ITM2B: variants seen among roughly 807,000 people sequenced by gnomAD.
ITM2B encodes the protein ABri/ADan amyloid peptide.
ITM2B carries 11 observed loss-of-function variants against 27.8 expected under a neutral mutation model. That is an observed-to-expected ratio of 0.40 (90% confidence interval 0.25 to 0.66). The LOEUF (loss-of-function observed/expected upper bound fraction) is 0.66, where lower values mean the gene tolerates loss of function less well. Among genes scored for constraint, ITM2B ranks in the 30% least tolerant of loss-of-function variants. The pLI is 0.43. For synonymous variants in ITM2B, 114 were observed against 114.3 expected (o/e 1.00, Z 0.02); for missense variants, 296 against 328.9 (o/e 0.90, Z 0.77).
At position 48,255,374 on chromosome 13, in the gene ITM2B, C is replaced by T. The variant is rs565320401; in HGVS notation, c.247-803C>T. The stretch of plus-strand genomic sequence containing the variant: ...TGGTGCAATCACAGCTCACTGTAGC[C>T]TCAACCTCTTGGGCTCAGGCAATCC... On this transcript the variant is annotated intron_variant, in intron 2 of 5. Transcript: ENST00000647800. 3.9e-5 allele frequency among the ~76,000 whole-genome samples: 6 copies of T among 152,234 alleles called. No homozygotes were observed. In the South Asian group the frequency reaches 1.2e-3, roughly 32 times the overall value.
In ITM2B at chr13:48,248,887, A is replaced by G. The variant is rs761767840; in HGVS notation, c.118-4921A>G. On this transcript the variant is annotated intron_variant, in intron 1 of 5. Coordinates refer to ENST00000647800, the MANE Select transcript of ITM2B (RefSeq NM_021999.5). ...AGCAGTTGGACCTAAATTTCTGTCA[A>G]TTGAGTGGAAGTTCCCAAGTTCCCT... is the stretch of plus-strand genomic sequence containing the variant. 1.9e-3 allele frequency among the ~76,000 whole-genome samples: 291 copies of G among 152,342 alleles called. 2 individuals are homozygous for G. Among genetic ancestry groups the G allele is most frequent in the Non-Finnish European group, 2.7e-3 (182 of 68,024 alleles).
intron 1 of ITM2B, among the ~76,000 whole-genome samples, chr13:48,250,002 T>G (rs1951744983): frequency 6.6e-6 from 1 of 152,252 alleles, no homozygotes; most frequent in Admixed American, 6.5e-5. Context: ...TTGAGCATAC[T>G]TTAATCCCTT....
In ITM2B at chr13:48,258,225, A is replaced by G. The variant is rs1566163994; in HGVS notation, c.553A>G (p.Ile185Val). The G allele has an allele frequency of 1.2e-5, 18 of 1,488,486 alleles. No individual in the cohort carries two copies. The highest frequency in any genetic ancestry group is 1.6e-5 in the Non-Finnish European group (17 of 1,065,698). The allele number at this position is 1,488,486 out of a possible 1,614,324, so 92.2% of individuals were successfully genotyped here. The change falls in exon 4 of 6, where the codon ATT becomes GTT. Residue 185 changes from isoleucine to valine, a missense_variant. Physicochemically the swap from Ile to Val is conservative, Grantham distance 29. Coordinates refer to ENST00000647800, the MANE Select transcript of ITM2B (RefSeq NM_021999.5). Reference protein sequence around the residue: ...MPPRNLLELLINIKAGTYLPQ... With the variant: ...MPPRNLLELLVNIKAGTYLPQ... The stretch of plus-strand genomic sequence containing the variant: ...ACCCAGAAACCTACTGGAGTTACTT[A>G]TTAACATCAAGGTATAAGAATGTTG...
chr13:48,261,307 A>G lies in ITM2B; in HGVS notation c.*83A>G, dbSNP rs981655183. ...ACATTTTGTGCAGTGATTATTTTTT[A>G]AAGTCTTCTTTCATGTAAGTAGCAA... On this transcript the variant is annotated 3_prime_UTR_variant, in exon 6 of 6. Coordinates refer to ENST00000647800, the MANE Select transcript of ITM2B (RefSeq NM_021999.5). 5.1e-5 allele frequency: 50 copies of G among 972,266 alleles called. No homozygotes were observed. In the Admixed American group the frequency reaches 8.6e-4, roughly 17 times the overall value. 60.2% of individuals were successfully genotyped at this position (972,266 alleles called of 1,614,324 possible).
chr13:48,235,871 G>A (rs1951665296), intron 1 of ITM2B, among the ~76,000 whole-genome samples: 1 of 152,188 alleles, frequency 6.6e-6, no homozygotes, highest in South Asian at 2.1e-4. Context: ...TTTCCAAAAT[G>A]TGCTCTTAGG....
chr13:48,248,568 A>G lies in ITM2B; in HGVS notation c.118-5240A>G, dbSNP rs9591151. Among the ~76,000 whole-genome samples the G allele has an allele frequency of 6.6e-3, 1,011 of 152,232 alleles. 9 individuals carry two copies. Among genetic ancestry groups the G allele is most frequent in the African/African-American group, 0.023 (972 of 41,520 alleles). ...ATATTCAAAAGTTTATCCAGGATTT[A>G]TACCTAGGAATGGAATTGCTAGGTC... On this transcript the variant is annotated intron_variant, in intron 1 of 5. Transcript: ENST00000647800.
chr13:48,262,528 A>G lies in ITM2B; in HGVS notation c.*1304A>G, dbSNP rs182910640. On this transcript the variant is annotated 3_prime_UTR_variant, in exon 6 of 6. Transcript: ENST00000647800. ...CAGGAATTAACAATTTTAGAAGACA[A>G]TATGTTTCAATAAAATGAGAATTGG... The G allele has an allele frequency of 9.2e-5, 14 of 152,306 alleles. No individual in the cohort carries two copies. The highest frequency in any genetic ancestry group is 2.1e-4 in the South Asian group (1 of 4,830). 9.4% of individuals were successfully genotyped at this position (152,306 alleles called of 1,614,324 possible).
rs976936097 is a variant in ITM2B, at chr13:48,262,140, G to A, written c.*916G>A. 3 of 152,080 alleles carry A rather than the reference G, an allele frequency of 2.0e-5. No individual in the cohort carries two copies. The highest frequency in any genetic ancestry group is 2.9e-5 in the Non-Finnish European group (2 of 67,986). 9.4% of individuals were successfully genotyped at this position (152,080 alleles called of 1,614,324 possible). On this transcript the variant is annotated 3_prime_UTR_variant, in exon 6 of 6. Coordinates refer to ENST00000647800, the MANE Select transcript of ITM2B (RefSeq NM_021999.5). ...AAAATGCTTTTATTTTTGATGGAAA[G>A]GCAATCAAAGCCTAAAGTTTCCAAG... is the stretch of plus-strand genomic sequence containing the variant.
At chr13:48,253,278 G>A (rs1245729421) in intron 1 of ITM2B, among the ~76,000 whole-genome samples, 4 of 151,974 alleles carry the variant, frequency 2.6e-5, no homozygotes, top group Non-Finnish European at 5.9e-5. Context: ...ATCATTGTTT[G>A]TTCTTTTCCT....
At position 48,265,120 on chromosome 13, in the gene ITM2B, G is replaced by C. The variant is rs2076073733; in HGVS notation, c.*3896G>C. ...ATAATTTGATGGGACTTCTGTATCT[G>C]ATTTTTAAGCTTGCATTTGTGTTTA... is the stretch of plus-strand genomic sequence containing the variant. On this transcript the variant is annotated 3_prime_UTR_variant, in exon 6 of 6. Transcript: ENST00000647800. 1 of 152,008 alleles carries C rather than the reference G, an allele frequency of 6.6e-6. No homozygotes were observed. The highest frequency in any genetic ancestry group is 2.1e-4 in the South Asian group (1 of 4,812). The allele number at this position is 152,008 out of a possible 1,614,324, so 9.4% of individuals were successfully genotyped here. A position where few individuals can be genotyped will look rare whatever the true frequency, so the allele number is the denominator to read the frequency against.
chr13:48,249,417 A>T (rs929938694), intron 1 of ITM2B, among the ~76,000 whole-genome samples: 2 of 152,338 alleles, frequency 1.3e-5, no homozygotes, highest in Non-Finnish European at 1.5e-5. Flanking sequence ...TGGGGCTAGT[A>T]TATAAATAAT....
At chr13:48,253,232 A>G (rs1331295465) in intron 1 of ITM2B, among the ~76,000 whole-genome samples, 3 of 152,116 alleles carry the variant, frequency 2.0e-5, no homozygotes, top group Non-Finnish European at 2.9e-5. Flanking sequence ...ATTTTGTCCT[A>G]TTTTTTGAAA....
intron 5 of ITM2B, among the ~76,000 whole-genome samples, chr13:48,260,842 T>G (rs1377622262): frequency 6.6e-6 from 1 of 152,156 alleles, no homozygotes. Context: ...ATACACAAGG[T>G]CTTGCAAGCA....
Position 48,264,796 on chromosome 13 carries a change from C to G in ITM2B, c.*3572C>G, listed in dbSNP as rs1241189724. 1 of 152,154 alleles carries G rather than the reference C, an allele frequency of 6.6e-6. No individual in the cohort carries two copies. Among genetic ancestry groups the G allele is most frequent in the Admixed American group, 6.6e-5 (1 of 15,264 alleles). 9.4% of individuals were successfully genotyped at this position (152,154 alleles called of 1,614,324 possible). A position where few individuals can be genotyped will look rare whatever the true frequency, so the allele number is the denominator to read the frequency against. On this transcript the variant is annotated 3_prime_UTR_variant, in exon 6 of 6. Coordinates refer to ENST00000647800, the MANE Select transcript of ITM2B (RefSeq NM_021999.5). Reference sequence around the variant, plus strand: ...TCTTTCTGAGTCTTTGTGGCTAATGCTTTTTTGAGGAAGAAGCATGATTTA... The same window carrying G: ...TCTTTCTGAGTCTTTGTGGCTAATGGTTTTTTGAGGAAGAAGCATGATTTA...
intron 1 of ITM2B, among the ~76,000 whole-genome samples, chr13:48,245,275 G>A (rs997416441): frequency 6.6e-6 from 1 of 151,544 alleles, no homozygotes; most frequent in South Asian, 2.1e-4. Context: ...GCAGTGAGCT[G>A]AGATGGCACC....
At chr13:48,255,580 G>A (rs1199706028) in intron 2 of ITM2B, among the ~76,000 whole-genome samples, 1 of 152,140 alleles carries the variant, frequency 6.6e-6, no homozygotes, top group Non-Finnish European at 1.5e-5. Context: ...AGGATTACAG[G>A]CATGAGTTAC....
At chr13:48,234,552 T>C (rs959586293) in intron 1 of ITM2B, among the ~76,000 whole-genome samples, 3 of 152,184 alleles carry the variant, frequency 2.0e-5, no homozygotes, top group African/African-American at 7.2e-5. Flanking sequence ...GGAGTTTTTA[T>C]ATGGACGAAT....
chr13:48,258,545 T>C (rs768835661), intron 4 of ITM2B, among the ~76,000 whole-genome samples: 1 of 152,106 alleles, frequency 6.6e-6, no homozygotes, highest in Non-Finnish European at 1.5e-5. Context: ...ATTCTACTTA[T>C]AAAAACAAGC....
chr13:48,261,401 G>A lies in ITM2B; in HGVS notation c.*177G>A, dbSNP rs985231374. ...CATTACCTTAAAATTTTTTTCTTTC[G>A]AAGTGTGGTGTCTTTTATATTTGAA... On this transcript the variant is annotated 3_prime_UTR_variant, in exon 6 of 6. Transcript: ENST00000647800. 4.4e-5 allele frequency: 24 copies of A among 545,968 alleles called. No homozygotes were observed. Among genetic ancestry groups the A allele is most frequent in the South Asian group, 9.9e-5 (4 of 40,306 alleles). The allele number at this position is 545,968 out of a possible 1,614,324, so 33.8% of individuals were successfully genotyped here. A position where few individuals can be genotyped will look rare whatever the true frequency, so the allele number is the denominator to read the frequency against.
Sources: gnomAD v4.1 joint callset for allele counts (sites outside exome capture counted in the v4.1 genomes callset) on GRCh38, gnomAD v4.1.1 for gene constraint, MANE v1.5 for transcripts, NCBI Gene and HGNC (gene_info 2026-07-23, HGNC 2026-07-21) for gene names.